Variants in PLCE1 observed in about 807,000 individuals in gnomAD.
PLCE1 encodes the protein 1-phosphatidylinositol 4,5-bisphosphate phosphodiesterase epsilon-1.
A neutral mutation model predicts 242.8 loss-of-function variants in PLCE1; 119 were observed. The ratio of observed to expected loss-of-function variants is 0.49; its 90% confidence interval spans 0.42 to 0.57. PLCE1 has a LOEUF of 0.57. Among genes scored for constraint, PLCE1 ranks in the 20% least tolerant of loss-of-function variants. The pLI is 0.00. For missense variants in PLCE1, 2,441 were observed against 2,788.8 expected (o/e 0.88, Z 2.81); for synonymous variants, 945 against 1,017.4 (o/e 0.93, Z 1.35).
chr10:94,181,432 C>A (rs554297931), intron 4 of PLCE1, among the ~76,000 whole-genome samples: 1 of 151,834 alleles, frequency 6.6e-6, no homozygotes, highest in Non-Finnish European at 1.5e-5. Flanking sequence ...AAAAATTAGC[C>A]GGGCGTGGTG....
chr10:94,268,980 G>A lies in PLCE1; in HGVS notation c.4333G>A (p.Asp1445Asn). The A allele has an allele frequency of 4.3e-6, 7 of 1,612,658 alleles. No individual in the cohort carries two copies. The highest frequency in any genetic ancestry group is 1.3e-5 in the African/African-American group (1 of 74,930). ...SVELDCWDGD[D>N]GMPIIYHGHT... ...AGAATTGGACTGCTGGGACGGAGAC[G>A]ATGGGATGCCCATCATTTATCATGG... Residue 1445 changes from aspartate (D) to asparagine (N), a missense_variant, in exon 17 of 33, where the codon GAT becomes AAT. By Grantham distance (23) the Asp-to-Asn change is conservative (BLOSUM62 1). Around this residue, in one of 5 missense-constraint regions of PLCE1, gnomAD observed 1,004 missense variants for 1,322.7 expected, o/e 0.76. Transcript: ENST00000371380.
chr10:94,179,844 C>G (rs2048252702), intron 4 of PLCE1, among the ~76,000 whole-genome samples: 3 of 151,496 alleles, frequency 2.0e-5, no homozygotes. Context: ...AATATATCTA[C>G]CCCAAATGCT....
rs772160311 is a variant in PLCE1, at chr10:94,304,540, A to T, written c.5517A>T (p.Val1839=). 4.8e-5 allele frequency: 77 copies of T among 1,614,062 alleles called. No individual in the cohort carries two copies. In the East Asian group the frequency reaches 1.6e-3, roughly 34 times the overall value. Residue 1839 remains valine (V), a synonymous_variant, in exon 25 of 33, where the codon GTA becomes GTT. Coordinates refer to ENST00000371380, the MANE Select transcript of PLCE1 (RefSeq NM_016341.4). ...AGGCAAATGGTGGTTGTGGTTATGT[A>T]TTGAAACCTCCAGTTCTGTGGGACA... ...MFEANGGCGY[V]LKPPVLWDKN... is the part of the protein sequence containing the mutation.
intron 4 of PLCE1, among the ~76,000 whole-genome samples, chr10:94,179,530 T>TTTTTTTTTTTTTTTTTTTTTAAGGGG: frequency 8.4e-6 from 1 of 118,824 alleles, no homozygotes; most frequent in South Asian, 3.0e-4. Flanking sequence ...TTTTTTTTTT[T>TTTTTTTTTTTTTTTTTTTTTAAGGGG]GACAGGGTCT....
intron 2 of PLCE1, among the ~76,000 whole-genome samples, chr10:94,124,987 G>A (rs2046397946): frequency 6.6e-6 from 1 of 152,182 alleles, no homozygotes; most frequent in African/African-American, 2.4e-5. Context: ...GCAAATACAG[G>A]TGACAGTAGA....
At chr10:94,303,716 C>T (rs2053113123) in intron 24 of PLCE1, among the ~76,000 whole-genome samples, 2 of 152,206 alleles carry the variant, frequency 1.3e-5, no homozygotes, top group East Asian at 3.9e-4. Context: ...TTATTCCTTT[C>T]TAAAATTTAG....
chr10:94,030,819 A>G lies in PLCE1; in HGVS notation c.-228A>G, dbSNP rs2061542700. The G allele has an allele frequency of 1.8e-6, 1 of 546,192 alleles. No individual in the cohort carries two copies. Among genetic ancestry groups the G allele is most frequent in the Admixed American group, 3.3e-5 (1 of 30,018 alleles). The allele number at this position is 546,192 out of a possible 1,614,324, so 33.8% of individuals were successfully genotyped here. The stretch of plus-strand genomic sequence containing the variant: ...ACAGAGGAAGGAAAATTGATCTACC[A>G]CCTTAAAACCCTGATCTAGAAAAAA... On this transcript the variant is annotated 5_prime_UTR_variant, in exon 2 of 33. Transcript: ENST00000371380.
intron 13 of PLCE1, 145 bp downstream of exon 13, chr10:94,259,295 T>A: frequency 1.2e-6 from 1 of 854,640 alleles, no homozygotes; most frequent in South Asian, 1.4e-5. Flanking sequence ...ATTTTTTTTT[T>A]TTTTTTGAGA....
At chr10:94,311,735 CCT>C (rs1179785411) in intron 27 of PLCE1, among the ~76,000 whole-genome samples, 1 of 152,182 alleles carries the variant, frequency 6.6e-6, no homozygotes, top group Non-Finnish European at 1.5e-5. Context: ...GGGTTTGCCA[CCT>C]CTGTCTGTCC....
intron 24 of PLCE1, among the ~76,000 whole-genome samples, chr10:94,300,495 G>A (rs1483652287): frequency 6.6e-6 from 1 of 152,194 alleles, no homozygotes; most frequent in East Asian, 1.9e-4. Flanking sequence ...TCCATTCAAT[G>A]TGCTGATTAA....
intron 1 of PLCE1, among the ~76,000 whole-genome samples, chr10:93,996,573 T>C (rs900283086): frequency 3.9e-5 from 6 of 152,236 alleles, no homozygotes; most frequent in Admixed American, 3.9e-4. Context: ...CATTTTGTTA[T>C]AGGCCAACCA....
chr10:94,254,870 T>G lies in PLCE1; in HGVS notation c.3398-23T>G, dbSNP rs1319072697. The stretch of plus-strand genomic sequence containing the variant: ...AAAGTATAATCTGAGTCATTCTCTC[T>G]TTTCTGTCTTTCATCCTCACAGAGG... On this transcript the variant is annotated intron_variant, in intron 10 of 32. Coordinates refer to ENST00000371380, the MANE Select transcript of PLCE1 (RefSeq NM_016341.4). 4 of 1,613,252 alleles carry G rather than the reference T, an allele frequency of 2.5e-6. No homozygotes were observed. The Admixed American group carries it at 6.7e-5, about 27-fold the overall frequency.
chr10:94,235,431 A>T (rs570840133), intron 6 of PLCE1, among the ~76,000 whole-genome samples: 16 of 152,222 alleles, frequency 1.1e-4, no homozygotes, highest in Non-Finnish European at 2.2e-4. Flanking sequence ...AATAAGGCTT[A>T]AAGAGCTTAA....
In PLCE1 at chr10:94,284,085, A is replaced by C. The variant is rs1417461713; in HGVS notation, c.4917+174A>C. On this transcript the variant is annotated intron_variant, in intron 21 of 32. Transcript: ENST00000371380. ...AAAGACACCCACCTTCCATTTGTGG[A>C]AAGTTAGTCACTGATTCATCCAGCC... Among the ~76,000 whole-genome samples, 4 of 152,190 alleles carry C rather than the reference A, an allele frequency of 2.6e-5. No homozygotes were observed. In the East Asian group the frequency reaches 7.7e-4, roughly 29 times the overall value.
At chr10:94,074,542 C>T (rs2044449994) in intron 2 of PLCE1, among the ~76,000 whole-genome samples, 1 of 152,098 alleles carries the variant, frequency 6.6e-6, no homozygotes, top group Non-Finnish European at 1.5e-5. Context: ...ATGTGAAATC[C>T]ATTTTCTATT....
chr10:94,260,556 T>TG (rs2051259962), intron 13 of PLCE1, among the ~76,000 whole-genome samples: 1 of 152,126 alleles, frequency 6.6e-6, no homozygotes, highest in Non-Finnish European at 1.5e-5. Context: ...TCCATAACCA[T>TG]GGATTAGTCA....
At chr10:94,039,630 C>T (rs1589898138) in intron 2 of PLCE1, among the ~76,000 whole-genome samples, 1 of 152,182 alleles carries the variant, frequency 6.6e-6, no homozygotes, top group East Asian at 1.9e-4. Context: ...AGGTGATCCG[C>T]CCACCTTGGC....
intron 7 of PLCE1, among the ~76,000 whole-genome samples, chr10:94,240,579 A>C (rs1172680074): frequency 6.6e-6 from 1 of 152,128 alleles, no homozygotes; most frequent in Non-Finnish European, 1.5e-5. Flanking sequence ...AATTAAATTT[A>C]CGCTTGTTTG....
At chr10:94,293,078 GGT>G (rs966507341) in intron 22 of PLCE1, among the ~76,000 whole-genome samples, 1 of 152,160 alleles carries the variant, frequency 6.6e-6, no homozygotes, top group African/African-American at 2.4e-5. Context: ...CAAAGAAGGA[GGT>G]GTTATGTCAA....
Sources: gnomAD v4.1 joint callset for allele counts (sites outside exome capture counted in the v4.1 genomes callset) on GRCh38, gnomAD v4.1.1 for gene constraint, gnomAD v4.1.1 regional missense constraint, MANE v1.5 for transcripts, NCBI Gene and HGNC (gene_info 2026-07-23, HGNC 2026-07-21) for gene names.